The following GLG1 variants were observed in gnomAD, a reference collection of about 807,000 sequenced individuals.
GLG1 encodes Golgi apparatus protein 1.
In GLG1, 38 loss-of-function variants were observed where a neutral mutation model predicts 160.5. That is an observed-to-expected ratio of 0.24 (90% CI 0.18 to 0.31). GLG1 has a LOEUF of 0.31. Ranked by LOEUF, GLG1 falls within the 10% of genes least tolerant of loss-of-function variation. The pLI, the probability that GLG1 is intolerant of heterozygous loss-of-function variation, is 1.00. For missense variants in GLG1, 1,373 were observed against 1,505.2 expected, an observed-to-expected ratio of 0.91 and a Z score of 1.45; for synonymous variants, 644 against 543.4, an observed-to-expected ratio of 1.19 and a Z score of -2.57.
chr16:74,595,145 G>A (rs889879624), intron 1 of GLG1, among the ~76,000 whole-genome samples: 2 of 151,352 alleles, frequency 1.3e-5, no homozygotes, highest in Non-Finnish European at 2.9e-5. Flanking sequence ...CGGAGATCGC[G>A]CCACTGCAAT....
intron 6 of GLG1, 122 bp from the exon 7 acceptor site, chr16:74,493,262 C>T (rs1331418963): frequency 1.1e-5 from 7 of 609,476 alleles, no homozygotes; most frequent in Non-Finnish European, 2.0e-5. Flanking sequence ...TTATTACCAA[C>T]ATATCTATCT....
chr16:74,549,122 G>A (rs1324395926), intron 1 of GLG1, among the ~76,000 whole-genome samples: 1 of 152,180 alleles, frequency 6.6e-6, no homozygotes, highest in Non-Finnish European at 1.5e-5. Flanking sequence ...ATTTCTTGAT[G>A]GATCAGGCAA....
chr16:74,568,125 A>C (rs1597355613), intron 1 of GLG1, among the ~76,000 whole-genome samples: 1 of 152,198 alleles, frequency 6.6e-6, no homozygotes, highest in Admixed American at 6.5e-5. Context: ...TACTTTGGCC[A>C]CCTTGCCACA....
At chr16:74,565,133 G>A (rs2018617527) in intron 1 of GLG1, among the ~76,000 whole-genome samples, 1 of 152,134 alleles carries the variant, frequency 6.6e-6, no homozygotes, top group African/African-American at 2.4e-5. Flanking sequence ...GATGTCAGGA[G>A]TTCAAGACCA....
At position 74,533,060 on chromosome 16, in the gene GLG1, C is replaced by T. The variant is rs547511468; in HGVS notation, c.439-907G>A. ...TTCAGGCAGGGCACGGTGGCTCACG[C>T]CTGTAATCCCAGCACTTTGGGAGGC... On this transcript the variant is annotated intron_variant, in intron 1 of 25. Coordinates refer to ENST00000422840, the MANE Select transcript of GLG1 (RefSeq NM_001145667.2). Among the ~76,000 whole-genome samples, 390 of 152,328 alleles carry T rather than the reference C, an allele frequency of 2.6e-3. 4 individuals carry two copies. Among genetic ancestry groups the T allele is most frequent in the African/African-American group, 9.0e-3 (373 of 41,574 alleles).
chr16:74,454,784 G>A (rs1481558088), intron 25 of GLG1, among the ~76,000 whole-genome samples: 3 of 148,614 alleles, frequency 2.0e-5, no homozygotes, highest in African/African-American at 2.5e-5. Flanking sequence ...CTCCTGCCTC[G>A]GTCTCCCAAG....
Position 74,523,784 on chromosome 16 carries a change from A to C in GLG1, c.471+8337T>G, listed in dbSNP as rs191231824. Among the ~76,000 whole-genome samples, 3 of 152,256 alleles carry C rather than the reference A, an allele frequency of 2.0e-5. No homozygotes were observed. In the East Asian group the frequency reaches 5.8e-4, roughly 29 times the overall value. On this transcript the variant is annotated intron_variant, in intron 2 of 25. Coordinates refer to ENST00000422840, the MANE Select transcript of GLG1 (RefSeq NM_001145667.2). ...ATTAAATTTTACATACTGACCTTCT[A>C]TCATGAGACTTTACTAAGTTCATCT...
chr16:74,529,495 T>C (rs1021368228), intron 2 of GLG1, among the ~76,000 whole-genome samples: 3 of 152,140 alleles, frequency 2.0e-5, no homozygotes, highest in African/African-American at 7.2e-5. Flanking sequence ...TTTTCCTCTA[T>C]TTTATTAGTT....
chr16:74,534,642 C>T (rs935844978), intron 1 of GLG1, among the ~76,000 whole-genome samples: 2 of 151,972 alleles, frequency 1.3e-5, no homozygotes, highest in Non-Finnish European at 2.9e-5. Flanking sequence ...TTCCCTACAG[C>T]GGGAGACTGG....
intron 1 of GLG1, chr16:74,552,336 T>A: frequency 1.7e-6 from 1 of 592,310 alleles, no homozygotes; most frequent in South Asian, 1.5e-5. Context: ...GATGTCCACC[T>A]TCCTAAGTAC....
chr16:74,524,214 A>C (rs1346645860), intron 2 of GLG1, among the ~76,000 whole-genome samples: 1 of 147,506 alleles, frequency 6.8e-6, no homozygotes, highest in Admixed American at 6.6e-5. Context: ...ATCTCAAAAC[A>C]AAAAAAAAGA....
chr16:74,550,801 A>C (rs2143695961), intron 1 of GLG1, among the ~76,000 whole-genome samples: 1 of 152,322 alleles, frequency 6.6e-6, no homozygotes, highest in Non-Finnish European at 1.5e-5. Context: ...AAGGTGAAAT[A>C]TACAGAAACA....
chr16:74,603,382 C>A (rs1958489517), intron 1 of GLG1, among the ~76,000 whole-genome samples: 1 of 149,438 alleles, frequency 6.7e-6, no homozygotes. Flanking sequence ...TGCACTCCAG[C>A]CTGGCAACAG....
intron 1 of GLG1, among the ~76,000 whole-genome samples, chr16:74,532,977 T>A (rs1329021207): frequency 1.3e-5 from 2 of 152,192 alleles, no homozygotes; most frequent in Admixed American, 1.3e-4. Context: ...GGAAATATAT[T>A]CCTATGGATA....
Position 74,463,357 on chromosome 16 carries a change from T to A in GLG1, c.2790A>T (p.Thr930=). Residue 930 remains threonine, a splice_region_variant and synonymous_variant, in exon 20 of 26, where the codon ACA becomes ACT. Transcript: ENST00000422840. ...MITKRQITQN[T]DYRLNPMLRK... is the part of the protein sequence containing the mutation. Reference sequence around the variant, plus strand: ...AGGAGAGCCAAGCCAAGATCTTACCTGTGTTCTGGGTGATCTGGCGCTTGG... The same window carrying A: ...AGGAGAGCCAAGCCAAGATCTTACCAGTGTTCTGGGTGATCTGGCGCTTGG... The A allele has an allele frequency of 6.2e-7, 1 of 1,614,116 alleles. No individual in the cohort carries two copies. Among genetic ancestry groups the A allele is most frequent in the Non-Finnish European group, 8.5e-7 (1 of 1,179,968 alleles).
At chr16:74,524,773 G>A (rs560289576) in intron 2 of GLG1, among the ~76,000 whole-genome samples, 16 of 152,216 alleles carry the variant, frequency 1.1e-4, no homozygotes, top group Middle Eastern at 3.4e-3. Context: ...CCCTTCCAGA[G>A]CACAACTCAG....
intron 15 of GLG1, 70 bp downstream of exon 15, chr16:74,471,103 C>CA (rs950255631): frequency 1.6e-5 from 14 of 888,238 alleles, no homozygotes; most frequent in African/African-American, 9.8e-5. Context: ...TCTGATGTTC[C>CA]AAAAAAGGAA....
At chr16:74,590,310 T>C (rs1958144942) in intron 1 of GLG1, among the ~76,000 whole-genome samples, 1 of 151,976 alleles carries the variant, frequency 6.6e-6, no homozygotes, top group African/African-American at 2.4e-5. Flanking sequence ...ATAATTTTTC[T>C]TTTTTTACCA....
rs774828711 is a variant in GLG1, at chr16:74,607,109, G to C, written c.-15C>G. ...CACGCCGCCATCTTGAGTCCGCGGC[G>C]AGCTCGACGCACTCGCCGGCGCCGC... On this transcript the variant is annotated 5_prime_UTR_variant, in exon 1 of 26. Transcript: ENST00000422840. 19 of 1,513,452 alleles carry C rather than the reference G, an allele frequency of 1.3e-5. No individual in the cohort carries two copies. Among genetic ancestry groups the C allele is most frequent in the Non-Finnish European group, 1.7e-5 (19 of 1,128,996 alleles). The allele number at this position is 1,513,452 out of a possible 1,614,324, so 93.8% of individuals were successfully genotyped here. A position where few individuals can be genotyped will look rare whatever the true frequency, so the allele number is the denominator to read the frequency against.
Sources: allele counts gnomAD v4.1 joint callset (sites outside exome capture counted in the v4.1 genomes callset), GRCh38; gene constraint gnomAD v4.1.1; transcripts MANE v1.5; gene names NCBI Gene and HGNC (gene_info 2026-07-23, HGNC 2026-07-21).